Variants in DZIP3 observed in about 807,000 individuals in gnomAD.
DZIP3 encodes the protein E3 ubiquitin-protein ligase DZIP3.
A neutral mutation model predicts 162.0 loss-of-function variants in DZIP3; 118 were observed. The ratio of observed to expected loss-of-function variants is 0.73; its 90% CI spans 0.63 to 0.85. The LOEUF is 0.85. Ranked by LOEUF, DZIP3 falls within the 40% of genes least tolerant of loss-of-function variation. The probability of loss-of-function intolerance (pLI) is 0.00; values close to 1 mark genes in which losing one functional copy is unlikely to be tolerated. For synonymous variants in DZIP3, 438 were observed against 458.6 expected (o/e 0.96, Z 0.57); for missense variants, 1,331 against 1,407.0 (o/e 0.95, Z 0.86).
At chr3:108,649,891 T>C (rs549005403) in intron 17 of DZIP3, among the ~76,000 whole-genome samples, 1 of 151,894 alleles carries the variant, frequency 6.6e-6, no homozygotes, top group Non-Finnish European at 1.5e-5. Flanking sequence ...AGTTAAATTT[T>C]ATTTTTTAAA....
intron 3 of DZIP3, among the ~76,000 whole-genome samples, chr3:108,609,635 GT>G (rs1940586367): frequency 6.6e-6 from 1 of 152,154 alleles, no homozygotes; most frequent in African/African-American, 2.4e-5. Context: ...AAGCTCAAGA[GT>G]TTGAGACCAG....
At chr3:108,658,086 C>G (rs1943229832) in intron 19 of DZIP3, among the ~76,000 whole-genome samples, 2 of 152,038 alleles carry the variant, frequency 1.3e-5, no homozygotes, top group South Asian at 4.1e-4. Flanking sequence ...ATCAATGAGA[C>G]AGAAAGTTAA....
At chr3:108,606,843 G>A (rs1409213477) in intron 2 of DZIP3, among the ~76,000 whole-genome samples, 1 of 152,114 alleles carries the variant, frequency 6.6e-6, no homozygotes, top group African/African-American at 2.4e-5. Context: ...ACATGAAGTA[G>A]GTTTTGGGCA....
At chr3:108,592,276 TA>T (rs1422773029) in intron 1 of DZIP3, among the ~76,000 whole-genome samples, 1 of 151,954 alleles carries the variant, frequency 6.6e-6, no homozygotes, top group Non-Finnish European at 1.5e-5. Context: ...TGAAGTAAAA[TA>T]GGTAGGATTT....
chr3:108,665,584 T>G (rs1361982587), intron 21 of DZIP3, among the ~76,000 whole-genome samples: 1 of 152,094 alleles, frequency 6.6e-6, no homozygotes, highest in Non-Finnish European at 1.5e-5. Flanking sequence ...TTCCCCAAAT[T>G]TGATGAAATG....
Position 108,646,605 on chromosome 3 carries a change from T to C in DZIP3, c.1760-12T>C. 6.3e-7 allele frequency: 1 copy of C among 1,577,106 alleles called. No individual in the cohort carries two copies. The highest frequency in any genetic ancestry group is 1.1e-5 in the South Asian group (1 of 88,108). On this transcript the variant is annotated splice_polypyrimidine_tract_variant and intron_variant, in intron 14 of 32. Transcript: ENST00000361582. The stretch of plus-strand genomic sequence containing the variant: ...CAATTGTACATCTAAAATTTTTCTT[T>C]ATGTATTATAGGAATTGCTCTACAG...
chr3:108,591,091 A>G (rs1045869915), intron 1 of DZIP3, among the ~76,000 whole-genome samples: 2 of 152,236 alleles, frequency 1.3e-5, no homozygotes, highest in African/African-American at 2.4e-5. Flanking sequence ...AGAAAGCAAC[A>G]TTTGGGGAAA....
chr3:108,672,698 A>G (rs1168401014), intron 23 of DZIP3, 42 bp downstream of exon 23: 1 of 1,477,714 alleles, frequency 6.8e-7, no homozygotes, highest in Admixed American at 1.8e-5. Flanking sequence ...TGAGGGGAAA[A>G]GTTTTACTTG....
chr3:108,689,326 A>T (rs1453277787), intron 31 of DZIP3, among the ~76,000 whole-genome samples: 2 of 152,204 alleles, frequency 1.3e-5, no homozygotes, highest in East Asian at 3.8e-4. Flanking sequence ...CATAAAGCAT[A>T]AGATTTATCA....
chr3:108,620,377 T>A (rs953498751), intron 5 of DZIP3, among the ~76,000 whole-genome samples: 1 of 152,216 alleles, frequency 6.6e-6, no homozygotes, highest in Admixed American at 6.5e-5. Flanking sequence ...GCAAGGCACC[T>A]TTATCAGTTA....
chr3:108,668,406 T>C lies in DZIP3; in HGVS notation c.2424-1275T>C, dbSNP rs561898432. ...CCTGAACATACGTAGCTGACTCTTA[T>C]CTGAGCTGGATAATAAGAACTATGC... is the stretch of plus-strand genomic sequence containing the variant. On this transcript the variant is annotated intron_variant, in intron 21 of 32. Coordinates refer to ENST00000361582, the MANE Select transcript of DZIP3 (RefSeq NM_014648.4). 1.1e-4 allele frequency among the ~76,000 whole-genome samples: 17 copies of C among 152,200 alleles called. No individual in the cohort carries two copies. In the East Asian group the frequency reaches 3.3e-3, roughly 29 times the overall value.
chr3:108,648,069 T>TA lies in DZIP3; in HGVS notation c.1920dup (p.Pro641ThrfsTer3), dbSNP rs758195835. 6.2e-7 allele frequency: 1 copy of TA among 1,609,848 alleles called. No individual in the cohort carries two copies. The highest frequency in any genetic ancestry group is 8.5e-7 in the Non-Finnish European group (1 of 1,178,486). ...GAAATTAATAAAGATGGGACCTCAATACCCAGTGAATCTTCAACAGAATCT... is the reference window on the plus strand; with the variant it reads ...GAAATTAATAAAGATGGGACCTCAATAACCCAGTGAATCTTCAACAGAATCT... On this transcript the variant is annotated frameshift_variant, in exon 16 of 33. Transcript: ENST00000361582. LOFTEE classifies it high-confidence loss of function.
intron 28 of DZIP3, 57 bp downstream of exon 28, chr3:108,686,641 C>G (rs1037221207): frequency 2.3e-5 from 32 of 1,402,530 alleles, no homozygotes; most frequent in Non-Finnish European, 2.9e-5. Context: ...TTTTCATAGC[C>G]ATAATTGTGG....
At chr3:108,640,957 T>G (rs1436104048) in intron 12 of DZIP3, among the ~76,000 whole-genome samples, 1 of 152,102 alleles carries the variant, frequency 6.6e-6, no homozygotes, top group Non-Finnish European at 1.5e-5. Flanking sequence ...TTGTTTTTTT[T>G]TTATTCCATT....
intron 5 of DZIP3, among the ~76,000 whole-genome samples, chr3:108,619,972 C>T (rs565542311): frequency 1.3e-5 from 2 of 151,730 alleles, no homozygotes; most frequent in East Asian, 3.9e-4. Flanking sequence ...AGACCACCCT[C>T]ATGTTCAGAG....
chr3:108,626,415 A>G (rs1941592233), intron 7 of DZIP3, among the ~76,000 whole-genome samples: 1 of 152,218 alleles, frequency 6.6e-6, no homozygotes, highest in African/African-American at 2.4e-5. Context: ...AGTTATTAGT[A>G]TTATCACCAC....
Position 108,651,151 on chromosome 3 carries a change from A to G in DZIP3, c.2022A>G (p.Lys674=), listed in dbSNP as rs200906377. Residue 674 remains lysine, a synonymous_variant, in exon 18 of 33, where the codon AAA becomes AAG. Transcript: ENST00000361582. ...KTKNKKNKDS[K]EDQVPYVVEK... ...TTATTTTTCAGAATAAAGACTCAAAAGAAGACCAAGTGTAAGTATTAGTTT... is the reference window on the plus strand; with the variant it reads ...TTATTTTTCAGAATAAAGACTCAAAGGAAGACCAAGTGTAAGTATTAGTTT... 1.8e-5 allele frequency: 14 copies of G among 757,936 alleles called. No homozygotes were observed. Among genetic ancestry groups the G allele is most frequent in the Non-Finnish European group, 2.6e-5 (14 of 538,566 alleles). 47.0% of individuals were successfully genotyped at this position (757,936 alleles called of 1,614,324 possible).
rs988646308 is a variant in DZIP3, at chr3:108,638,770, C to T, written c.1064+1222C>T. Among the ~76,000 whole-genome samples the T allele has an allele frequency of 6.6e-5, 10 of 152,310 alleles. No homozygotes were observed. In the South Asian group the frequency reaches 2.1e-3, roughly 32 times the overall value. ...TTTACTTTATCCAGTCTGTTGTTTT[C>T]TTAACCATCAATAGGACTTTTCTAA... On this transcript the variant is annotated intron_variant, in intron 12 of 32. Coordinates refer to ENST00000361582, the MANE Select transcript of DZIP3 (RefSeq NM_014648.4).
chr3:108,601,597 A>G (rs1485028744), intron 1 of DZIP3, among the ~76,000 whole-genome samples: 4 of 152,276 alleles, frequency 2.6e-5, no homozygotes, highest in Middle Eastern at 3.4e-3. Flanking sequence ...TAGAGTTGAC[A>G]AGGGAGGGAA....
Sources: gnomAD v4.1 joint callset for allele counts (sites outside exome capture counted in the v4.1 genomes callset) on GRCh38, gnomAD v4.1.1 for gene constraint, MANE v1.5 for transcripts, NCBI Gene and HGNC (gene_info 2026-07-23, HGNC 2026-07-21) for gene names.